TTC39B: variants seen among roughly 807,000 people sequenced by gnomAD.
TTC39B encodes tetratricopeptide repeat protein 39B.
TTC39B carries 92 observed loss-of-function variants against 96.6 expected under a neutral mutation model. The observed-to-expected ratio is 0.95, with a 90% CI of 0.80 to 1.13. The LOEUF (loss-of-function observed/expected upper bound fraction) is 1.13. TTC39B is among the 50% of genes most tolerant of loss of function. The pLI is 0.00. For synonymous variants in TTC39B, 367 were observed against 299.4 expected, an observed-to-expected ratio of 1.23 and a Z score of -2.33; for missense variants, 955 against 809.3, an observed-to-expected ratio of 1.18 and a Z score of -2.18.
chr9:15,170,507 A>C (rs940993212), exon 20 of TTC39B: 1 of 152,206 alleles, frequency 6.6e-6, no homozygotes, highest in Admixed American at 6.5e-5. Context: ...GTTTACAAAA[A>C]GCTATCATAT....
At chr9:15,263,829 A>G (rs1823027993) in intron 2 of TTC39B, among the ~76,000 whole-genome samples, 1 of 152,196 alleles carries the variant, frequency 6.6e-6, no homozygotes, top group Non-Finnish European at 1.5e-5. Context: ...TGCTATAACC[A>G]AGGTGAGAGG....
exon 3 of TTC39B, chr9:15,226,012 T>C (rs375306311): frequency 3.1e-6 from 5 of 1,613,190 alleles, no homozygotes; most frequent in Non-Finnish European, 4.2e-6. Context: ...AGTGAGAAGA[T>C]CTGTTAATTA....
exon 20 of TTC39B, chr9:15,167,034 T>A (rs1231843568): frequency 5.2e-3 from 126 of 24,064 alleles, no homozygotes; most frequent in Non-Finnish European, 8.0e-3. Flanking sequence ...ATATATTTTT[T>A]TTTTTTTTTT....
chr9:15,234,892 C>T (rs1055126341), intron 2 of TTC39B, among the ~76,000 whole-genome samples: 9 of 151,910 alleles, frequency 5.9e-5, no homozygotes, highest in African/African-American at 1.9e-4. Flanking sequence ...ACAAACACTG[C>T]GGAAGGCCGC....
At chr9:15,255,782 T>C (rs1822729274) in intron 2 of TTC39B, among the ~76,000 whole-genome samples, 1 of 152,200 alleles carries the variant, frequency 6.6e-6, no homozygotes, top group South Asian at 2.1e-4. Flanking sequence ...ATTTGGACTT[T>C]ATTTAATTAT....
chr9:15,167,336 C>G (rs926034310), exon 20 of TTC39B: 33 of 149,986 alleles, frequency 2.2e-4, no homozygotes, highest in African/African-American at 7.4e-4. Flanking sequence ...GCGTGAGCCA[C>G]CATTGCCAGC....
chr9:15,233,710 A>C (rs371344789), intron 2 of TTC39B, among the ~76,000 whole-genome samples: 94 of 151,588 alleles, frequency 6.2e-4, no homozygotes, highest in Non-Finnish European at 1.2e-3. Flanking sequence ...TCGCTACAAC[A>C]TCCACCTCCC....
intron 2 of TTC39B, among the ~76,000 whole-genome samples, chr9:15,264,159 A>T (rs113999894): frequency 6.6e-6 from 1 of 152,190 alleles, no homozygotes; most frequent in Non-Finnish European, 1.5e-5. Context: ...CAGTAGAATA[A>T]AAGACACCAA....
At chr9:15,214,139 C>A in exon 4 of TTC39B, 1 of 1,607,460 alleles carries the variant, frequency 6.2e-7, no homozygotes, top group East Asian at 2.2e-5. Context: ...AGTAAATTAC[C>A]AGGGGCGAAG....
At position 15,187,962 on chromosome 9, in the gene TTC39B, G is replaced by A; in HGVS notation, c.1395+9C>T. On this transcript the variant is annotated intron_variant, in intron 14 of 19. Transcript: ENST00000512701. ...AACAGATGACATTAATGAAAGTATT[G>A]CACTTTACCTTGGACCATTTACTCT... 1 of 1,564,240 alleles carries A rather than the reference G, an allele frequency of 6.4e-7. No individual in the cohort carries two copies. The highest frequency in any genetic ancestry group is 2.3e-5 in the East Asian group (1 of 43,224).
At chr9:15,249,772 C>T (rs1049344144) in intron 2 of TTC39B, 4 of 538,152 alleles carry the variant, frequency 7.4e-6, no homozygotes, top group Non-Finnish European at 1.0e-5. Context: ...AAGACAATGT[C>T]ATCTAACAAA....
chr9:15,250,669 G>C (rs1041232965), intron 2 of TTC39B, among the ~76,000 whole-genome samples: 1 of 152,184 alleles, frequency 6.6e-6, no homozygotes, highest in African/African-American at 2.4e-5. Context: ...AATATTTGAA[G>C]TGGTTTTGAT....
At chr9:15,243,970 A>C (rs1393700032) in intron 2 of TTC39B, among the ~76,000 whole-genome samples, 2 of 152,224 alleles carry the variant, frequency 1.3e-5, no homozygotes, top group East Asian at 3.9e-4. Context: ...CTCTTTCAGC[A>C]AAAGAAACTA....
chr9:15,170,534 C>T (rs1267401465), exon 20 of TTC39B: 3 of 152,026 alleles, frequency 2.0e-5, no homozygotes, highest in African/African-American at 7.3e-5. Context: ...TCTAATTGAG[C>T]CCTCACAAGT....
chr9:15,231,866 C>T (rs945792319), intron 2 of TTC39B, among the ~76,000 whole-genome samples: 3 of 151,600 alleles, frequency 2.0e-5, no homozygotes, highest in Non-Finnish European at 2.9e-5. Flanking sequence ...GATAGGCCAA[C>T]TGATGTGCTC....
chr9:15,255,653 A>G (rs1025828021), intron 2 of TTC39B, among the ~76,000 whole-genome samples: 2 of 152,214 alleles, frequency 1.3e-5, no homozygotes, highest in South Asian at 4.1e-4. Flanking sequence ...AGCTCACTGT[A>G]TCCTTTAAGA....
chr9:15,192,625 C>G (rs746795096), exon 9 of TTC39B: 6 of 1,614,102 alleles, frequency 3.7e-6, no homozygotes, highest in African/African-American at 1.3e-5. Flanking sequence ...TTGACACCCC[C>G]TTCAAACTCA....
chr9:15,178,324 A>G (rs1289203827), intron 17 of TTC39B, among the ~76,000 whole-genome samples: 4 of 152,274 alleles, frequency 2.6e-5, no homozygotes, highest in East Asian at 3.9e-4. Context: ...TGTAATCCCA[A>G]TGCTTTGGGA....
chr9:15,181,475 C>T (rs1440612111), intron 17 of TTC39B, among the ~76,000 whole-genome samples: 1 of 152,154 alleles, frequency 6.6e-6, no homozygotes, highest in African/African-American at 2.4e-5. Context: ...CAACACTCCT[C>T]CCACTTCACG....
Sources: gnomAD v4.1 joint callset for allele counts (sites outside exome capture counted in the v4.1 genomes callset) on GRCh38, gnomAD v4.1.1 for gene constraint, MANE v1.5 for transcripts, NCBI Gene and HGNC (gene_info 2026-07-23, HGNC 2026-07-21) for gene names.